TP53I13: variants seen among roughly 807,000 people sequenced by gnomAD.
TP53I13 encodes tumor protein p53-inducible protein 13.
In TP53I13, 27 loss-of-function variants were observed where a neutral mutation model predicts 39.1. That is an observed-to-expected ratio of 0.69 (90% CI 0.51 to 0.95). The LOEUF (loss-of-function observed/expected upper bound fraction) is 0.95, where lower values mean the gene tolerates loss of function less well. TP53I13 is among the 40% of genes least tolerant of loss of function. TP53I13 has a pLI of 0.00. For missense variants in TP53I13, 544 were observed against 520.4 expected (o/e 1.05, Z -0.44); for synonymous variants, 230 against 224.6 (o/e 1.02, Z -0.22).
rs2032819274 is a variant in TP53I13, at chr17:29,569,013, C to T, written c.73-5C>T. ...GCGCCCCAACTCTTCGCTTTGGACCCACAGGTGATGGCTGGACCGGCGGAG... is the reference window on the plus strand; with the variant it reads ...GCGCCCCAACTCTTCGCTTTGGACCTACAGGTGATGGCTGGACCGGCGGAG... On this transcript the variant is annotated splice_region_variant and splice_polypyrimidine_tract_variant and intron_variant, in intron 1 of 6. Coordinates refer to ENST00000301057, the MANE Select transcript of TP53I13 (RefSeq NM_138349.4). The T allele has an allele frequency of 3.7e-6, 6 of 1,609,146 alleles. No homozygotes were observed. Among genetic ancestry groups the T allele is most frequent in the Non-Finnish European group, 5.1e-6 (6 of 1,178,636 alleles).
chr17:29,577,765 G>T, downstream of TP53I13: 3 of 1,469,648 alleles, frequency 2.0e-6, no homozygotes, highest in Non-Finnish European at 2.9e-6. Context: ...GACAGGAGCA[G>T]ATCAGCCACG....
At chr17:29,581,713 C>T in the TP53I13 span, 7 of 1,569,440 alleles carry the variant, frequency 4.5e-6, no homozygotes, top group East Asian at 2.2e-5. The surrounding 1 kb of genome is among the most constrained non-coding windows in gnomAD (Gnocchi z 4.8). Flanking sequence ...AGGCCTGTCA[C>T]AGCCAGGCGC....
chr17:29,578,173 G>A, the TP53I13 span: 1 of 781,782 alleles, frequency 1.3e-6, no homozygotes, highest in South Asian at 1.5e-5. Flanking sequence ...AGCCAGCAGG[G>A]GCTCATCTGC....
chr17:29,566,867 C>A, upstream of TP53I13: 2 of 1,504,506 alleles, frequency 1.3e-6, no homozygotes, highest in Non-Finnish European at 1.8e-6. Context: ...GTCCTCTCTC[C>A]GACGGCGCGC....
At chr17:29,580,373 G>T in the TP53I13 span, among the ~76,000 whole-genome samples, 3 of 152,224 alleles carry the variant, frequency 2.0e-5, no homozygotes, top group African/African-American at 7.2e-5. Context: ...AGTCGCCCAG[G>T]CCTGGTTATG....
chr17:29,576,803 G>C, downstream of TP53I13: 1 of 1,575,562 alleles, frequency 6.3e-7, no homozygotes, highest in Non-Finnish European at 8.6e-7. Flanking sequence ...GACAGAGCTG[G>C]GCCTCAGCGA....
At chr17:29,572,765 A>G in intron 6 of TP53I13, 47 bp from the exon 7 acceptor site, 1 of 1,484,096 alleles carries the variant, frequency 6.7e-7, no homozygotes, top group Non-Finnish European at 9.0e-7. Flanking sequence ...CGCCCCCCGT[A>G]GCTTCCCTGC....
At chr17:29,566,708 G>C (rs1209056658), upstream of TP53I13, 2 of 1,582,526 alleles carry the variant, frequency 1.3e-6, no homozygotes, top group Admixed American at 3.5e-5. Flanking sequence ...GAGCGCCGCA[G>C]GGCGCGCAGC....
rs2032812784 is a variant in TP53I13 at position 29,568,889 on chromosome 17, AG to A, written c.72+60del. The A allele has an allele frequency of 2.9e-5, 47 of 1,599,312 alleles. No homozygotes were observed. In the South Asian group the frequency reaches 4.1e-4, roughly 14 times the overall value. On this transcript the variant is annotated intron_variant, in intron 1 of 6. Coordinates refer to ENST00000301057, the MANE Select transcript of TP53I13 (RefSeq NM_138349.4). This position sits in a 1 kb window ranked among gnomAD's most constrained non-coding sequence, Gnocchi z 4.5. ...CGCGAGCTCAAAGCGCTTTGCCAAA[AG>A]TTCGTCCTGGAAGGAGTGGCGCGCC...
chr17:29,578,871 C>A, the TP53I13 span: 2 of 1,554,838 alleles, frequency 1.3e-6, no homozygotes, highest in Non-Finnish European at 1.8e-6. Flanking sequence ...ATGCAGGGAT[C>A]CCGGGGAGAT....
downstream of TP53I13, chr17:29,577,022 G>A: frequency 6.2e-7 from 1 of 1,605,000 alleles, no homozygotes; most frequent in Non-Finnish European, 8.5e-7. Context: ...TGTCACTCAG[G>A]CCACACTCCA....
downstream of TP53I13, chr17:29,577,787 C>T (rs1952138158): frequency 8.2e-7 from 1 of 1,214,294 alleles, no homozygotes. Context: ...TGGCCAGGCC[C>T]CCAAGGTGGG....
intron 3 of TP53I13, chr17:29,569,640 C>A: frequency 2.9e-6 from 1 of 341,080 alleles, no homozygotes; most frequent in Non-Finnish European, 5.4e-6. Context: ...GTGGAACTCT[C>A]TCTGAGAGTA....
At chr17:29,575,561 CTG>C, downstream of TP53I13, 3 of 1,564,786 alleles carry the variant, frequency 1.9e-6, no homozygotes, top group Non-Finnish European at 1.7e-6. The surrounding 1 kb of genome is among the most constrained non-coding windows in gnomAD (Gnocchi z 5.5). Flanking sequence ...TCCTCACACA[CTG>C]GGGGCCCTCT....
At chr17:29,575,541 C>A, downstream of TP53I13, 1 of 1,562,794 alleles carries the variant, frequency 6.4e-7, no homozygotes, top group East Asian at 2.3e-5. This position sits in a 1 kb window ranked among gnomAD's most constrained non-coding sequence, Gnocchi z 5.5. Context: ...CTCGGAGCCG[C>A]CCGCCTTGGT....
chr17:29,581,447 CT>C, the TP53I13 span: 1 of 1,246,356 alleles, frequency 8.0e-7, no homozygotes, highest in East Asian at 2.3e-5. The surrounding 1 kb of genome is among the most constrained non-coding windows in gnomAD (Gnocchi z 4.8). Flanking sequence ...GGGAGCCCAC[CT>C]CACTGCCATG....
downstream of TP53I13, chr17:29,574,562 C>T (rs2150819213): frequency 1.3e-6 from 1 of 772,660 alleles, no homozygotes; most frequent in Non-Finnish European, 2.2e-6. Context: ...GGCACCAGGG[C>T]ACCTGGCTGC....
chr17:29,577,425 A>T (rs1423100875), downstream of TP53I13, among the ~76,000 whole-genome samples: 1 of 152,124 alleles, frequency 6.6e-6, no homozygotes, highest in Non-Finnish European at 1.5e-5. Context: ...GGTATGATAG[A>T]GTAGGGTGCC....
chr17:29,573,188 C>G, downstream of TP53I13: 1 of 358,168 alleles, frequency 2.8e-6, no homozygotes, highest in Non-Finnish European at 5.0e-6. Flanking sequence ...ATCTGCCGCA[C>G]AGAGACTCCC....
Sources: allele counts gnomAD v4.1 joint callset (sites outside exome capture counted in the v4.1 genomes callset), GRCh38; gene constraint gnomAD v4.1.1; non-coding constraint Gnocchi (gnomAD v3.1); transcripts MANE v1.5; gene names NCBI Gene and HGNC (gene_info 2026-07-23, HGNC 2026-07-21).